Variants in PTPRN2 observed in about 807,000 individuals in gnomAD.
The protein encoded by PTPRN2 is receptor-type tyrosine-protein phosphatase N2.
A neutral mutation model predicts 118.8 loss-of-function variants in PTPRN2; 74 were observed. The ratio of observed to expected loss-of-function variants is 0.62; its 90% CI spans 0.52 to 0.76. PTPRN2 has a LOEUF of 0.76. Among genes scored for constraint, PTPRN2 ranks in the 30% least tolerant of loss-of-function variants. The pLI, the probability that PTPRN2 is intolerant of heterozygous loss-of-function variation, is 0.00. For missense variants in PTPRN2, 1,481 were observed against 1,394.4 expected (o/e 1.06, Z -0.99); for synonymous variants, 641 against 608.0 (o/e 1.05, Z -0.80).
At chr7:158,324,216 C>G (rs536325656) in intron 2 of PTPRN2, among the ~76,000 whole-genome samples, 1 of 152,296 alleles carries the variant, frequency 6.6e-6, no homozygotes, top group East Asian at 1.9e-4. Flanking sequence ...ACCACCCTCT[C>G]CCCGGTGACA....
At chr7:158,062,858 G>A (rs1056672045) in intron 11 of PTPRN2, among the ~76,000 whole-genome samples, 3 of 152,160 alleles carry the variant, frequency 2.0e-5, no homozygotes, top group East Asian at 3.9e-4. Context: ...CCTCCCCTTC[G>A]CCATGGGCTC....
At position 157,730,795 on chromosome 7, in the gene PTPRN2, C is replaced by G. The variant is rs568035539; in HGVS notation, c.1789-47858G>C. The stretch of plus-strand genomic sequence containing the variant: ...GTTCTGTGGCCCCGGGGCTGCTCCC[C>G]GCCTGGGCACATGGCGGAGACATGC... On this transcript the variant is annotated intron_variant, in intron 12 of 22. Coordinates refer to ENST00000389418, the MANE Select transcript of PTPRN2 (RefSeq NM_002847.5). Among the ~76,000 whole-genome samples, 25 of 152,308 alleles carry G rather than the reference C, an allele frequency of 1.6e-4. 1 individual carries two copies. The South Asian group carries it at 3.9e-3, about 24-fold the overall frequency.
chr7:157,627,198 C>T lies in PTPRN2; in HGVS notation c.2197-5689G>A, dbSNP rs1054393761. Among the ~76,000 whole-genome samples, 2 of 152,186 alleles carry T rather than the reference C, an allele frequency of 1.3e-5. No individual in the cohort carries two copies. Among genetic ancestry groups the T allele is most frequent in the Non-Finnish European group, 2.9e-5 (2 of 68,040 alleles). ...ACCTGCAGCTGGGTCTCCTCCGGGG[C>T]GTGAGCTCCTGGTGGTCAGGGACCC... On this transcript the variant is annotated intron_variant, in intron 14 of 22. Transcript: ENST00000389418. This position sits in a 1 kb window ranked among gnomAD's most constrained non-coding sequence, Gnocchi z 4.2.
intron 11 of PTPRN2, among the ~76,000 whole-genome samples, chr7:157,971,601 T>G (rs1802336709): frequency 1.3e-5 from 2 of 152,194 alleles, no homozygotes; most frequent in Admixed American, 1.3e-4. Flanking sequence ...TGAAGCATCT[T>G]GTAAAACTGC....
At chr7:157,934,895 C>T (rs1799608611) in intron 11 of PTPRN2, among the ~76,000 whole-genome samples, 1 of 152,224 alleles carries the variant, frequency 6.6e-6, no homozygotes, top group South Asian at 2.1e-4. Context: ...GTTTCTTTCA[C>T]CCTTATGCTG....
intron 18 of PTPRN2, among the ~76,000 whole-genome samples, chr7:157,577,199 G>T (rs1585053924): frequency 6.6e-6 from 1 of 152,318 alleles, no homozygotes; most frequent in South Asian, 2.1e-4. Context: ...CTCCGTCGCA[G>T]CTGCGCACAC....
intron 3 of PTPRN2, among the ~76,000 whole-genome samples, chr7:158,278,802 G>A (rs904585546): frequency 2.0e-5 from 3 of 152,232 alleles, no homozygotes; most frequent in Non-Finnish European, 2.9e-5. Flanking sequence ...GGGTGTCACA[G>A]CTCATAAACA....
rs903390945 is a variant in PTPRN2, at chr7:157,808,927, G to A, written c.1788+89746C>T. ...CCTGCAGCACCTCCCGAAGTGTGGT[G>A]TGTCACTTGCTTTTATGTGGAATGT... On this transcript the variant is annotated intron_variant, in intron 12 of 22. Transcript: ENST00000389418. The surrounding 1 kb of genome is among the most constrained non-coding windows in gnomAD (Gnocchi z 5.0). 6.6e-6 allele frequency among the ~76,000 whole-genome samples: 1 copy of A among 152,106 alleles called. No individual in the cohort carries two copies. The highest frequency in any genetic ancestry group is 2.4e-5 in the African/African-American group (1 of 41,400).
At chr7:158,135,147 T>C (rs1035425509) in intron 8 of PTPRN2, among the ~76,000 whole-genome samples, 4 of 152,190 alleles carry the variant, frequency 2.6e-5, no homozygotes, top group African/African-American at 9.6e-5. Flanking sequence ...AAATTATATC[T>C]TCAATATTAT....
chr7:158,236,157 C>T (rs373877383), intron 3 of PTPRN2, among the ~76,000 whole-genome samples: 13 of 152,152 alleles, frequency 8.5e-5, no homozygotes, highest in South Asian at 2.1e-4. Context: ...CATTGCTGGC[C>T]GTCATCTCTG....
chr7:158,469,017 A>T (rs1285179608), intron 2 of PTPRN2, among the ~76,000 whole-genome samples: 9 of 151,156 alleles, frequency 6.0e-5, no homozygotes, highest in African/African-American at 2.2e-4. Context: ...AACACTATGC[A>T]CACCCACACA....
At chr7:158,071,069 G>T (rs969061141) in intron 11 of PTPRN2, among the ~76,000 whole-genome samples, 5 of 53,446 alleles carry the variant, frequency 9.4e-5, no homozygotes, top group African/African-American at 5.9e-4. Flanking sequence ...GGAGGTGCTC[G>T]TGGTGGTGGA....
chr7:157,718,863 C>T (rs1799081232), intron 12 of PTPRN2, among the ~76,000 whole-genome samples: 1 of 152,210 alleles, frequency 6.6e-6, no homozygotes, highest in South Asian at 2.1e-4. Context: ...CTGGGGCCCT[C>T]AGACCCCCAA....
At position 158,131,618 on chromosome 7, in the gene PTPRN2, C is replaced by T. The variant is rs549236245; in HGVS notation, c.1556+2059G>A. On this transcript the variant is annotated intron_variant, in intron 9 of 22. Coordinates refer to ENST00000389418, the MANE Select transcript of PTPRN2 (RefSeq NM_002847.5). The stretch of plus-strand genomic sequence containing the variant: ...CACGAACATACAAACCAATACACAT[C>T]TACCCGACATACACACTCATACACA... 3.4e-4 allele frequency among the ~76,000 whole-genome samples: 52 copies of T among 151,452 alleles called. 1 individual carries two copies. In the South Asian group the frequency reaches 0.01, roughly 30 times the overall value.
At chr7:157,776,882 CTCCTCCATCT>C (rs1803354000) in intron 12 of PTPRN2, among the ~76,000 whole-genome samples, 1 of 117,262 alleles carries the variant, frequency 8.5e-6, no homozygotes, top group Non-Finnish European at 1.8e-5. Context: ...CCTCCCTCTC[CTCCTCCATCT>C]CCTCCTCCTT....
chr7:158,243,172 C>T (rs756435226), intron 3 of PTPRN2, among the ~76,000 whole-genome samples: 2 of 152,216 alleles, frequency 1.3e-5, no homozygotes, highest in Non-Finnish European at 2.9e-5. Context: ...CTAGAAAGCA[C>T]AGACGCCTTC....
At chr7:157,976,626 G>A (rs978371621) in intron 11 of PTPRN2, among the ~76,000 whole-genome samples, 2 of 151,812 alleles carry the variant, frequency 1.3e-5, no homozygotes, top group African/African-American at 2.4e-5. Flanking sequence ...CTCCAAGATC[G>A]CAAACTGGTC....
At chr7:157,829,446 C>A (rs1177383858) in intron 12 of PTPRN2, among the ~76,000 whole-genome samples, 1 of 152,216 alleles carries the variant, frequency 6.6e-6, no homozygotes, top group Non-Finnish European at 1.5e-5. Flanking sequence ...GATGCGGGCC[C>A]GTGTGCACCG....
intron 6 of PTPRN2, among the ~76,000 whole-genome samples, chr7:158,142,129 G>A (rs73745146): frequency 0.26 from 39,807 of 152,120 alleles, 7,121 homozygotes; most frequent in African/African-American, 0.52. Context: ...CCCCTCCCAC[G>A]AACAGCCAAT....
Sources: gnomAD v4.1 joint callset for allele counts (sites outside exome capture counted in the v4.1 genomes callset) on GRCh38, gnomAD v4.1.1 for gene constraint, Gnocchi (gnomAD v3.1) non-coding constraint, MANE v1.5 for transcripts, NCBI Gene and HGNC (gene_info 2026-07-23, HGNC 2026-07-21) for gene names.